CTNNBL1: variants seen among roughly 807,000 people sequenced by gnomAD.
CTNNBL1 encodes the protein catenin beta like 1, also known as beta-catenin-like protein 1.
In CTNNBL1, 31 loss-of-function variants were observed where a neutral mutation model predicts 72.7. The observed-to-expected ratio is 0.43, with a 90% CI of 0.32 to 0.58. CTNNBL1 has a LOEUF of 0.58. CTNNBL1 is among the 20% of genes least tolerant of loss of function. The pLI, the probability that CTNNBL1 is intolerant of heterozygous loss-of-function variation, is 0.08. For missense variants in CTNNBL1, 534 were observed against 725.1 expected (o/e 0.74, Z 3.03); for synonymous variants, 240 against 267.3 (o/e 0.90, Z 1.00).
At chr20:37,839,552 C>G (rs1360473213) in intron 11 of CTNNBL1, among the ~76,000 whole-genome samples, 1 of 152,174 alleles carries the variant, frequency 6.6e-6, no homozygotes, top group Non-Finnish European at 1.5e-5. Context: ...GCCCTGTTAA[C>G]TGTTTTGAAG....
intron 10 of CTNNBL1, among the ~76,000 whole-genome samples, chr20:37,799,801 T>C (rs1196854886): frequency 8.5e-5 from 13 of 152,238 alleles, no homozygotes; most frequent in Non-Finnish European, 1.5e-5. Flanking sequence ...TTGTATTGTT[T>C]GATTGATCCA....
chr20:37,713,044 G>C (rs1476204195), intron 1 of CTNNBL1, among the ~76,000 whole-genome samples: 1 of 152,154 alleles, frequency 6.6e-6, no homozygotes, highest in East Asian at 1.9e-4. Context: ...TTGTCTCCCT[G>C]GCTGCTCACT....
Position 37,871,919 on chromosome 20 carries a change from C to G in CTNNBL1, c.1604-6C>G. The G allele has an allele frequency of 6.2e-7, 1 of 1,612,932 alleles. No homozygotes were observed. Among genetic ancestry groups the G allele is most frequent in the Non-Finnish European group, 8.5e-7 (1 of 1,178,980 alleles). ...TCCACTCCTGACTCTATCTTTGTCC[C>G]CCTAGAGTATGCAGAGAACATCGGG... On this transcript the variant is annotated splice_region_variant and splice_polypyrimidine_tract_variant and intron_variant, in intron 15 of 15. Transcript: ENST00000361383.
intron 10 of CTNNBL1, among the ~76,000 whole-genome samples, chr20:37,800,317 C>A (rs1156953984): frequency 1.3e-5 from 2 of 152,118 alleles, no homozygotes; most frequent in Non-Finnish European, 2.9e-5. Context: ...CTTGACCCGG[C>A]TTCCCTCTCT....
At chr20:37,711,966 G>A (rs1310942717) in intron 1 of CTNNBL1, among the ~76,000 whole-genome samples, 1 of 152,070 alleles carries the variant, frequency 6.6e-6, no homozygotes, top group African/African-American at 2.4e-5. Context: ...TTAAGCTGTC[G>A]AGTGACACAA....
chr20:37,865,441 T>C (rs768490732), intron 15 of CTNNBL1, among the ~76,000 whole-genome samples: 2 of 152,240 alleles, frequency 1.3e-5, no homozygotes, highest in Non-Finnish European at 2.9e-5. Context: ...TTTTGACTAT[T>C]ACTACCATCA....
At chr20:37,814,494 T>C (rs768521245) in intron 11 of CTNNBL1, among the ~76,000 whole-genome samples, 1 of 152,320 alleles carries the variant, frequency 6.6e-6, no homozygotes, top group Non-Finnish European at 1.5e-5. Context: ...ATTCCCTACA[T>C]GGTTACCTTG....
chr20:37,704,306 A>T (rs2072867786), intron 1 of CTNNBL1, among the ~76,000 whole-genome samples: 1 of 152,240 alleles, frequency 6.6e-6, no homozygotes, highest in South Asian at 2.1e-4. Flanking sequence ...AGACACAAGC[A>T]GCTCTACTGC....
chr20:37,739,078 CTGTGTGTGTGTGTGTGTG>C (rs34184566), intron 3 of CTNNBL1, among the ~76,000 whole-genome samples: 2 of 147,344 alleles, frequency 1.4e-5, no homozygotes, highest in African/African-American at 5.0e-5. Context: ...TACAGGAGCA[CTGTGTGTGTGTGTGTGTG>C]TGTGTGTGTG....
At chr20:37,719,631 A>G (rs1023557319) in intron 1 of CTNNBL1, among the ~76,000 whole-genome samples, 1 of 152,174 alleles carries the variant, frequency 6.6e-6, no homozygotes, top group Non-Finnish European at 1.5e-5. Context: ...CATGTTCACA[A>G]GGGCCCATAT....
At chr20:37,734,347 A>C (rs1213238518) in intron 2 of CTNNBL1, among the ~76,000 whole-genome samples, 2 of 152,240 alleles carry the variant, frequency 1.3e-5, no homozygotes, top group Admixed American at 1.3e-4. Context: ...CTCTGAGGGC[A>C]GCAGCCTTGC....
intron 3 of CTNNBL1, among the ~76,000 whole-genome samples, chr20:37,746,184 C>T (rs1008790690): frequency 7.9e-5 from 12 of 152,152 alleles, no homozygotes; most frequent in Middle Eastern, 3.2e-3. Flanking sequence ...GTGGAAAGAT[C>T]GTTTAGTGCT....
At chr20:37,697,543 A>G (rs936459652) in intron 1 of CTNNBL1, among the ~76,000 whole-genome samples, 6 of 152,236 alleles carry the variant, frequency 3.9e-5, no homozygotes, top group African/African-American at 1.4e-4. Context: ...AGATGTAGGC[A>G]TGTGACAAGA....
chr20:37,802,799 C>A, intron 10 of CTNNBL1, 68 bp from the exon 11 acceptor site: 2 of 1,256,352 alleles, frequency 1.6e-6, no homozygotes, highest in South Asian at 1.4e-5. Context: ...CAGCAAATAC[C>A]CTTTTTTTTT....
intron 10 of CTNNBL1, among the ~76,000 whole-genome samples, chr20:37,788,227 G>A (rs1010340602): frequency 1.3e-5 from 2 of 152,144 alleles, no homozygotes; most frequent in Admixed American, 6.5e-5. Context: ...TAAGTTGTAC[G>A]GCTGTGTCTT....
At chr20:37,703,876 C>T (rs1162538637) in intron 1 of CTNNBL1, among the ~76,000 whole-genome samples, 1 of 151,308 alleles carries the variant, frequency 6.6e-6, no homozygotes, top group Non-Finnish European at 1.5e-5. Flanking sequence ...CTCCTGGGTT[C>T]AAGCGACTCT....
chr20:37,816,905 G>A (rs1013706883), intron 11 of CTNNBL1, among the ~76,000 whole-genome samples: 2 of 152,142 alleles, frequency 1.3e-5, no homozygotes, highest in African/African-American at 4.8e-5. Context: ...TGCTAGCCTA[G>A]TTAACTGGGT....
At chr20:37,718,285 G>A (rs1286025315) in intron 1 of CTNNBL1, among the ~76,000 whole-genome samples, 2 of 141,072 alleles carry the variant, frequency 1.4e-5, no homozygotes, top group Non-Finnish European at 3.1e-5. Flanking sequence ...CGGGCGGGGG[G>A]CTGACCCCCC....
At chr20:37,738,427 ATG>A (rs2073187844) in intron 3 of CTNNBL1, among the ~76,000 whole-genome samples, 1 of 152,240 alleles carries the variant, frequency 6.6e-6, no homozygotes, top group Non-Finnish European at 1.5e-5. Context: ...ATGAAGTGCT[ATG>A]TGAGGAATCT....
Sources: gnomAD v4.1 joint callset for allele counts (sites outside exome capture counted in the v4.1 genomes callset) on GRCh38, gnomAD v4.1.1 for gene constraint, MANE v1.5 for transcripts, NCBI Gene and HGNC (gene_info 2026-07-23, HGNC 2026-07-21) for gene names.